The following PPP2R2A variants were observed in gnomAD, a reference collection of about 807,000 sequenced individuals.
The protein encoded by PPP2R2A is serine/threonine-protein phosphatase 2A 55 kDa regulatory subunit B alpha isoform.
A neutral mutation model predicts 53.2 loss-of-function variants in PPP2R2A; 9 were observed. The ratio of observed to expected loss-of-function variants is 0.17; its 90% CI spans 0.10 to 0.30. The LOEUF (loss-of-function observed/expected upper bound fraction) is 0.30. Among genes scored for constraint, PPP2R2A ranks in the 10% least tolerant of loss-of-function variants. The pLI is 1.00. For synonymous variants in PPP2R2A, 169 were observed against 174.2 expected, an observed-to-expected ratio of 0.97 and a Z score of 0.23; for missense variants, 235 against 534.6, an observed-to-expected ratio of 0.44 and a Z score of 5.53.
intron 2 of PPP2R2A, among the ~76,000 whole-genome samples, chr8:26,307,672 A>C (rs1480334270): frequency 6.6e-6 from 1 of 152,234 alleles, no homozygotes; most frequent in South Asian, 2.1e-4. Context: ...TAAAGGAAAA[A>C]CAACTTTGAT....
intron 2 of PPP2R2A, among the ~76,000 whole-genome samples, chr8:26,328,289 TGA>T (rs1803196457): frequency 6.6e-6 from 1 of 152,314 alleles, no homozygotes; most frequent in South Asian, 2.1e-4. Context: ...TAGAACTCAC[TGA>T]GAGAGTTCAG....
rs1179817158 is a variant in PPP2R2A, at chr8:26,370,012, CCT to C, written c.1065-121_1065-120del. 2 of 957,936 alleles carry C rather than the reference CCT, an allele frequency of 2.1e-6. No homozygotes were observed. The highest frequency in any genetic ancestry group is 1.7e-5 in the African/African-American group (1 of 60,438). The allele number at this position is 957,936 out of a possible 1,614,324, so 59.3% of individuals were successfully genotyped here. ...AGTGATTGAGTTGATGTCAACAGCC[CCT>C]GTCCCTTAGTTTAAATCTGCTTTTG... On this transcript the variant is annotated intron_variant, in intron 9 of 9. Transcript: ENST00000380737. This position sits in a 1 kb window ranked among gnomAD's most constrained non-coding sequence, Gnocchi z 6.1.
At chr8:26,357,414 T>C (rs1804846274) in intron 4 of PPP2R2A, among the ~76,000 whole-genome samples, 2 of 152,048 alleles carry the variant, frequency 1.3e-5, no homozygotes, top group African/African-American at 4.8e-5. Flanking sequence ...TGGCTTTCCA[T>C]GATCATTATA....
intron 2 of PPP2R2A, among the ~76,000 whole-genome samples, chr8:26,294,478 G>A (rs1170039790): frequency 6.6e-6 from 1 of 152,146 alleles, no homozygotes; most frequent in Non-Finnish European, 1.5e-5. Context: ...GATGGTCTTA[G>A]GCAGCGGAGG....
At chr8:26,305,686 G>GCATT (rs1055428859) in intron 2 of PPP2R2A, among the ~76,000 whole-genome samples, 43 of 152,030 alleles carry the variant, frequency 2.8e-4, no homozygotes, top group African/African-American at 9.2e-4. Flanking sequence ...ATAGCACTTG[G>GCATT]CATTTGGTAT....
In PPP2R2A at chr8:26,314,761, G is replaced by A. The variant is rs75610662; in HGVS notation, c.82+21021G>A. Among the ~76,000 whole-genome samples the A allele has an allele frequency of 5.6e-3, 851 of 151,776 alleles. 5 individuals carry two copies. Among genetic ancestry groups the A allele is most frequent in the Middle Eastern group, 0.02 (6 of 294 alleles). On this transcript the variant is annotated intron_variant, in intron 2 of 9. Transcript: ENST00000380737. ...TGGGTCTTTTTCATTAATTGGACTC[G>A]TACTCATTGGACCCTTGCAGCTTGT...
rs532300230 is a variant in PPP2R2A, at chr8:26,321,995, A to T, written c.83-16895A>T. The stretch of plus-strand genomic sequence containing the variant: ...TAAACACAGGCCCTTTTCTTTAAAG[A>T]TACATACAGAGAATGATAGACACAT... On this transcript the variant is annotated intron_variant, in intron 2 of 9. Coordinates refer to ENST00000380737, the MANE Select transcript of PPP2R2A (RefSeq NM_002717.4). The surrounding 1 kb of genome is among the most constrained non-coding windows in gnomAD (Gnocchi z 4.1). Among the ~76,000 whole-genome samples, 2 of 152,214 alleles carry T rather than the reference A, an allele frequency of 1.3e-5. No homozygotes were observed. The highest frequency in any genetic ancestry group is 2.4e-5 in the African/African-American group (1 of 41,452).
chr8:26,370,817 C>T lies in PPP2R2A; in HGVS notation c.*404C>T. The T allele has an allele frequency of 5.4e-6, 1 of 185,178 alleles. No homozygotes were observed. The allele number at this position is 185,178 out of a possible 1,614,324, so 11.5% of individuals were successfully genotyped here. On this transcript the variant is annotated 3_prime_UTR_variant, in exon 10 of 10. Transcript: ENST00000380737. This position sits in a 1 kb window ranked among gnomAD's most constrained non-coding sequence, Gnocchi z 6.1. ...TTACTGTATCATTTGTGGGGTACAC[C>T]CCTTCCCCCTTTTTTTAAATTAAAT...
At chr8:26,301,650 T>C (rs1801795117) in intron 2 of PPP2R2A, among the ~76,000 whole-genome samples, 1 of 152,208 alleles carries the variant, frequency 6.6e-6, no homozygotes, top group African/African-American at 2.4e-5. Flanking sequence ...TGTGTGTGAT[T>C]GTACATATGT....
At chr8:26,337,259 A>C (rs1803712146) in intron 2 of PPP2R2A, among the ~76,000 whole-genome samples, 1 of 152,192 alleles carries the variant, frequency 6.6e-6, no homozygotes, top group Non-Finnish European at 1.5e-5. Context: ...TAGGCTAAAA[A>C]AAACCCAGCA....
chr8:26,347,827 A>G (rs1476508113), intron 3 of PPP2R2A, among the ~76,000 whole-genome samples: 1 of 152,204 alleles, frequency 6.6e-6, no homozygotes, highest in East Asian at 1.9e-4. Context: ...ACATAATTTA[A>G]TAAGGCCTTG....
chr8:26,346,960 C>T lies in PPP2R2A; in HGVS notation c.181-7508C>T, dbSNP rs888303368. 6.6e-5 allele frequency among the ~76,000 whole-genome samples: 10 copies of T among 152,192 alleles called. No individual in the cohort carries two copies. The East Asian group carries it at 1.2e-3, about 18-fold the overall frequency. On this transcript the variant is annotated intron_variant, in intron 3 of 9. Transcript: ENST00000380737. The stretch of plus-strand genomic sequence containing the variant: ...TGTCGGGGTGTCATGCATTTACCTG[C>T]ATCATGTTGTTTCTAAATGATAGAA...
At chr8:26,361,863 A>C (rs1184072283) in intron 6 of PPP2R2A, among the ~76,000 whole-genome samples, 2 of 151,974 alleles carry the variant, frequency 1.3e-5, no homozygotes, top group East Asian at 1.9e-4. Flanking sequence ...TGGGAGGCTG[A>C]GTTAGGAGAA....
At chr8:26,368,398 A>G (rs62490965) in intron 9 of PPP2R2A, among the ~76,000 whole-genome samples, 2,372 of 152,336 alleles carry the variant, frequency 0.016, 22 homozygotes, top group Middle Eastern at 0.048. Context: ...ACCCTTTCCA[A>G]ATTAAGAGCT....
chr8:26,353,593 A>G (rs1804625964), intron 3 of PPP2R2A, among the ~76,000 whole-genome samples: 1 of 152,310 alleles, frequency 6.6e-6, no homozygotes, highest in African/African-American at 2.4e-5. Context: ...AAATTTTTTT[A>G]TGAAAATGTT....
At chr8:26,329,006 T>C (rs1338919632) in intron 2 of PPP2R2A, among the ~76,000 whole-genome samples, 1 of 152,210 alleles carries the variant, frequency 6.6e-6, no homozygotes, top group African/African-American at 2.4e-5. Context: ...TTACACTTTA[T>C]TTTTTGTGAA....
At chr8:26,301,516 T>C (rs775865542) in intron 2 of PPP2R2A, among the ~76,000 whole-genome samples, 12 of 151,922 alleles carry the variant, frequency 7.9e-5, no homozygotes, top group Non-Finnish European at 1.5e-4. Context: ...AAAATTTTTT[T>C]TTGTAGAGAC....
chr8:26,350,320 C>T (rs373186327), intron 3 of PPP2R2A, among the ~76,000 whole-genome samples: 6 of 152,188 alleles, frequency 3.9e-5, no homozygotes, highest in African/African-American at 1.4e-4. Context: ...GCCTCAGTCT[C>T]CCAAAGTGCT....
At position 26,372,558 on chromosome 8, in the gene PPP2R2A, ATTG is replaced by A. The variant is rs764047286; in HGVS notation, c.*2148_*2150del. The A allele has an allele frequency of 2.0e-5, 3 of 152,342 alleles. No individual in the cohort carries two copies. Among genetic ancestry groups the A allele is most frequent in the East Asian group, 3.9e-4 (2 of 5,190 alleles). The allele number at this position is 152,342 out of a possible 1,614,324, so 9.4% of individuals were successfully genotyped here. A position where few individuals can be genotyped will look rare whatever the true frequency, so the allele number is the denominator to read the frequency against. ...CTATCAAGGAATGCTATTATAAATTATTGTTAACATTCTCAAGTATTAATTTTT... is the reference window on the plus strand; with the variant it reads ...CTATCAAGGAATGCTATTATAAATTATTAACATTCTCAAGTATTAATTTTT... On this transcript the variant is annotated 3_prime_UTR_variant, in exon 10 of 10. Coordinates refer to ENST00000380737, the MANE Select transcript of PPP2R2A (RefSeq NM_002717.4).
Sources: gnomAD v4.1 joint callset for allele counts (sites outside exome capture counted in the v4.1 genomes callset) on GRCh38, gnomAD v4.1.1 for gene constraint, Gnocchi (gnomAD v3.1) non-coding constraint, MANE v1.5 for transcripts, NCBI Gene and HGNC (gene_info 2026-07-23, HGNC 2026-07-21) for gene names.